The following HBS1L variants were observed in gnomAD, a reference collection of about 807,000 sequenced individuals.
HBS1L encodes the protein HBS1-like protein.
Under a neutral mutation model 88.9 loss-of-function variants are expected in HBS1L, and 55 were observed. The ratio of observed to expected loss-of-function variants is 0.62; its 90% confidence interval spans 0.50 to 0.77. The LOEUF is 0.77. Ranked by LOEUF, HBS1L falls within the 30% of genes least tolerant of loss-of-function variation. The pLI is 0.00. For synonymous variants in HBS1L, 267 were observed against 288.5 expected (o/e 0.93, Z 0.76); for missense variants, 741 against 829.3 (o/e 0.89, Z 1.31).
chr6:134,986,670 T>C, intron 10 of HBS1L, 66 bp downstream of exon 10: 1 of 738,390 alleles, frequency 1.4e-6, no homozygotes, highest in Non-Finnish European at 2.2e-6. Context: ...AAGTATTAGT[T>C]TTTCCTCTCA....
At chr6:134,982,173 A>C (rs1774848357) in intron 13 of HBS1L, 1 of 310,880 alleles carries the variant, frequency 3.2e-6, no homozygotes, top group South Asian at 4.9e-5. Flanking sequence ...TGAGGTATCT[A>C]TACATATCTG....
intron 15 of HBS1L, among the ~76,000 whole-genome samples, chr6:134,973,574 G>A (rs1387824503): frequency 6.6e-6 from 1 of 152,202 alleles, no homozygotes; most frequent in Admixed American, 6.5e-5. Flanking sequence ...CCAGCACTTT[G>A]GGAGGCCAAG....
intron 15 of HBS1L, among the ~76,000 whole-genome samples, chr6:134,972,119 T>C (rs1774507498): frequency 6.6e-6 from 1 of 152,188 alleles, no homozygotes; most frequent in East Asian, 1.9e-4. Context: ...ATTTCTGAAT[T>C]CTAAAACCAT....
chr6:134,979,822 AC>A (rs1196531856), intron 13 of HBS1L, among the ~76,000 whole-genome samples: 2 of 152,034 alleles, frequency 1.3e-5, no homozygotes, highest in Non-Finnish European at 2.9e-5. Flanking sequence ...GCTCAAAAGA[AC>A]TTCTTTCCAG....
Position 134,997,504 on chromosome 6 carries a change from G to A in HBS1L, c.692C>T (p.Thr231Ile), listed in dbSNP as rs199869619. The stretch of plus-strand genomic sequence containing the variant: ...GCCAGACTTTTTCACCGGTGCTGGG[G>A]TTGAACTCTGCTCTTCTGATGCTTG... ...TIQASEEQSS[T>I]PAPVKKSGKL... Residue 231 changes from threonine to isoleucine, a missense_variant, in exon 6 of 18, where the codon ACC becomes ATC. By Grantham distance (89) the Thr-to-Ile change is moderately conservative. This residue lies in a region of HBS1L where 556 missense variants were observed against 598.4 expected (regional missense o/e 0.93). Transcript: ENST00000367837. The A allele has an allele frequency of 1.5e-5, 24 of 1,614,030 alleles. No individual in the cohort carries two copies. The Admixed American group carries it at 2.5e-4, about 17-fold the overall frequency.
At chr6:135,000,677 A>G (rs1775427135) in intron 5 of HBS1L, among the ~76,000 whole-genome samples, 1 of 149,148 alleles carries the variant, frequency 6.7e-6, no homozygotes, top group South Asian at 2.1e-4. Flanking sequence ...ACAGGATCTC[A>G]CTCTGTTGAC....
At chr6:134,999,450 T>TTC (rs1192351304) in intron 5 of HBS1L, among the ~76,000 whole-genome samples, 2 of 143,074 alleles carry the variant, frequency 1.4e-5, no homozygotes, top group Non-Finnish European at 1.5e-5. Context: ...TTTCTTTTCT[T>TTC]TTTTTTTTTT....
chr6:134,978,310 G>A (rs1323299825), intron 15 of HBS1L, among the ~76,000 whole-genome samples: 1 of 151,744 alleles, frequency 6.6e-6, no homozygotes, highest in Non-Finnish European at 1.5e-5. Context: ...TATTAAAAAT[G>A]GAAACCCAGA....
At chr6:134,975,814 G>T (rs1193175460) in intron 15 of HBS1L, among the ~76,000 whole-genome samples, 1 of 152,098 alleles carries the variant, frequency 6.6e-6, no homozygotes, top group Admixed American at 6.6e-5. Context: ...AATTCTGGAG[G>T]AAAACCTGGG....
At chr6:134,996,456 T>C (rs1775290505) in intron 7 of HBS1L, among the ~76,000 whole-genome samples, 1 of 152,186 alleles carries the variant, frequency 6.6e-6, no homozygotes, top group Admixed American at 6.5e-5. Flanking sequence ...TCAAGACAAT[T>C]TGACAAATAC....
chr6:135,036,395 G>C (rs1443710169), intron 4 of HBS1L: 1 of 1,307,918 alleles, frequency 7.6e-7, no homozygotes, highest in Non-Finnish European at 9.7e-7. Flanking sequence ...AGAAGACATA[G>C]TTAAAAAAAA....
intron 4 of HBS1L, chr6:135,027,208 A>AG (rs1562304911): frequency 1.3e-5 from 2 of 149,552 alleles, no homozygotes; most frequent in African/African-American, 4.9e-5. Flanking sequence ...AAAAAAAAAA[A>AG]AAAAAAAAGA....
At chr6:134,997,272 G>T in intron 6 of HBS1L, 125 bp downstream of exon 6, 1 of 1,111,166 alleles carries the variant, frequency 9.0e-7, no homozygotes, top group Non-Finnish European at 1.3e-6. Context: ...AGCATTATGA[G>T]ACTGTGCCTC....
intron 4 of HBS1L, among the ~76,000 whole-genome samples, chr6:135,010,146 T>C (rs1371326368): frequency 6.6e-6 from 1 of 152,164 alleles, no homozygotes; most frequent in Non-Finnish European, 1.5e-5. Context: ...TTACATTCTA[T>C]AGATATCTTC....
Position 135,016,410 on chromosome 6 carries a change from A to T in HBS1L, c.431-13568T>A, listed in dbSNP as rs149425054. On this transcript the variant is annotated intron_variant, in intron 4 of 17. Coordinates refer to ENST00000367837, the MANE Select transcript of HBS1L (RefSeq NM_006620.4). ...CAAAGAGAAAGTTTCCGTTTACTAC[A>T]ATTTTTACTTCCAATGGGGAACCTG... Among the ~76,000 whole-genome samples the T allele has an allele frequency of 9.1e-4, 138 of 152,296 alleles. 1 individual carries two copies. The highest frequency in any genetic ancestry group is 3.2e-3 in the African/African-American group (134 of 41,562).
At chr6:135,016,854 C>T (rs1277722412) in intron 4 of HBS1L, among the ~76,000 whole-genome samples, 1 of 152,142 alleles carries the variant, frequency 6.6e-6, no homozygotes, top group East Asian at 1.9e-4. Context: ...TACTCTCTAA[C>T]CCAGTGATTC....
chr6:135,028,227 CAA>C (rs995059141), intron 4 of HBS1L, among the ~76,000 whole-genome samples: 16 of 142,550 alleles, frequency 1.1e-4, no homozygotes, highest in African/African-American at 4.0e-4. Context: ...ATCTTGGAAC[CAA>C]AATTTAGGGA....
At chr6:135,019,180 G>A (rs917445543) in intron 4 of HBS1L, among the ~76,000 whole-genome samples, 23 of 151,878 alleles carry the variant, frequency 1.5e-4, no homozygotes, top group Non-Finnish European at 1.9e-4. Context: ...TAAGTAATTT[G>A]CTAAAGGCCA....
At chr6:134,972,714 A>G (rs1181354403) in intron 15 of HBS1L, among the ~76,000 whole-genome samples, 1 of 152,230 alleles carries the variant, frequency 6.6e-6, no homozygotes, top group East Asian at 1.9e-4. Flanking sequence ...GATGATATTA[A>G]GAACTTCTAT....
Sources: gnomAD v4.1 joint callset for allele counts (sites outside exome capture counted in the v4.1 genomes callset) on GRCh38, gnomAD v4.1.1 for gene constraint, gnomAD v4.1.1 regional missense constraint, MANE v1.5 for transcripts, NCBI Gene and HGNC (gene_info 2026-07-23, HGNC 2026-07-21) for gene names.